The following AXIN2 variants were observed in gnomAD, a reference collection of about 807,000 sequenced individuals.
AXIN2 encodes axin-2.
In AXIN2, 21 loss-of-function variants were observed where a neutral mutation model predicts 74.7. That is an observed-to-expected ratio of 0.28 (90% CI 0.20 to 0.40). The LOEUF (loss-of-function observed/expected upper bound fraction) is 0.40, where lower values mean the gene tolerates loss of function less well. Among genes scored for constraint, AXIN2 ranks in the 10% least tolerant of loss-of-function variants. AXIN2 has a pLI of 1.00. For synonymous variants in AXIN2, 532 were observed against 454.9 expected (o/e 1.17, Z -2.16); for missense variants, 1,144 against 1,111.1 (o/e 1.03, Z -0.42).
At chr17:65,549,985 G>A (rs981750189) in intron 2 of AXIN2, among the ~76,000 whole-genome samples, 2 of 152,224 alleles carry the variant, frequency 1.3e-5, no homozygotes, top group African/African-American at 4.8e-5. Context: ...TGCTTTAGGA[G>A]AGGAGGCCAT....
intron 2 of AXIN2, among the ~76,000 whole-genome samples, chr17:65,552,396 T>C (rs2044206313): frequency 2.0e-5 from 3 of 152,160 alleles, no homozygotes; most frequent in Admixed American, 2.0e-4. Context: ...GCCATCTGGG[T>C]GCGTAAGTAA....
At chr17:65,549,967 C>G (rs917883057) in intron 2 of AXIN2, among the ~76,000 whole-genome samples, 1 of 152,192 alleles carries the variant, frequency 6.6e-6, no homozygotes, top group Non-Finnish European at 1.5e-5. Flanking sequence ...GAGGAAGGAA[C>G]TGGACTCTGC....
chr17:65,561,484 C>T lies in AXIN2; in HGVS notation c.-151G>A, dbSNP rs1026464937. 1 of 150,194 alleles carries T rather than the reference C, an allele frequency of 6.7e-6. No individual in the cohort carries two copies. Among genetic ancestry groups the T allele is most frequent in the Non-Finnish European group, 1.5e-5 (1 of 67,150 alleles). 9.3% of individuals were successfully genotyped at this position (150,194 alleles called of 1,614,324 possible). ...CAGGGCCTTCGGCGGGCGCCTCGGC[C>T]GCCGGGCGGCCCCGAAATCCATCGC... On this transcript the variant is annotated 5_prime_UTR_variant, in exon 1 of 11. Coordinates refer to ENST00000307078, the MANE Select transcript of AXIN2 (RefSeq NM_004655.4).
At chr17:65,555,227 TGAA>T (rs2044250373) in intron 2 of AXIN2, among the ~76,000 whole-genome samples, 1 of 152,096 alleles carries the variant, frequency 6.6e-6, no homozygotes, top group South Asian at 2.1e-4. Flanking sequence ...CAGCAGCTGA[TGAA>T]GAAAGACCAT....
At chr17:65,554,236 TCTCCTCCTCTTCCTCTTCCTC>T (rs1223391929) in intron 2 of AXIN2, among the ~76,000 whole-genome samples, 1 of 151,702 alleles carries the variant, frequency 6.6e-6, no homozygotes, top group African/African-American at 2.4e-5. Context: ...TCCTCCTCCT[TCTCCTCCTCTTCCTCTTCCTC>T]CTCCTCCTCC....
At position 65,538,593 on chromosome 17, in the gene AXIN2, T is replaced by C; in HGVS notation, c.1060-250A>G. Among the ~76,000 whole-genome samples, 2 of 142,854 alleles carry C rather than the reference T, an allele frequency of 1.4e-5. 1 individual carries two copies. The highest frequency in any genetic ancestry group is 5.2e-5 in the African/African-American group (2 of 38,546). 93.7% of individuals were successfully genotyped at this position (142,854 alleles called of 152,430 possible). On this transcript the variant is annotated intron_variant, in intron 4 of 10. Transcript: ENST00000307078. ...GTCGCACTCCGAGAGGCCCTGCTTG[T>C]TCTTTCTGTAGTACAACCAGCCCAT... is the stretch of plus-strand genomic sequence containing the variant.
At chr17:65,540,127 G>A (rs1458666578) in intron 4 of AXIN2, among the ~76,000 whole-genome samples, 1 of 152,226 alleles carries the variant, frequency 6.6e-6, no homozygotes, top group African/African-American at 2.4e-5. Context: ...GGCTTCAGGA[G>A]CCAGGAGGAG....
intron 10 of AXIN2, among the ~76,000 whole-genome samples, chr17:65,531,551 A>T (rs1317997415): frequency 6.6e-6 from 1 of 151,554 alleles, no homozygotes; most frequent in Non-Finnish European, 1.5e-5. Flanking sequence ...CCTCCGTCAG[A>T]CCCCTTTGGC....
At position 65,538,194 on chromosome 17, in the gene AXIN2, C is replaced by A. The variant is rs768410635; in HGVS notation, c.1200+9G>T. The A allele has an allele frequency of 5.0e-6, 8 of 1,614,196 alleles. No homozygotes were observed. The highest frequency in any genetic ancestry group is 1.7e-4 in the Middle Eastern group (1 of 6,058). On this transcript the variant is annotated intron_variant, in intron 5 of 10. Transcript: ENST00000307078. ...GACGGAAGCAGGAAGAAGGCCTAGGCCGCATTACCTCTCGGATCTGCTGCA... is the reference window on the plus strand; with the variant it reads ...GACGGAAGCAGGAAGAAGGCCTAGGACGCATTACCTCTCGGATCTGCTGCA...
chr17:65,546,786 C>G (rs942896867), intron 3 of AXIN2, among the ~76,000 whole-genome samples: 1 of 152,176 alleles, frequency 6.6e-6, no homozygotes, highest in African/African-American at 2.4e-5. Flanking sequence ...GGTCTCTAGG[C>G]CTTGCAGCAC....
At chr17:65,545,767 T>C (rs1430135967) in intron 3 of AXIN2, among the ~76,000 whole-genome samples, 2 of 152,076 alleles carry the variant, frequency 1.3e-5, no homozygotes, top group Non-Finnish European at 1.5e-5. Flanking sequence ...ACTTTTTACT[T>C]AGCAGGAAAA....
At chr17:65,536,192 G>A (rs2043910913) in intron 8 of AXIN2, 128 bp downstream of exon 8, 1 of 964,286 alleles carries the variant, frequency 1.0e-6, no homozygotes. Context: ...TCATCCATAA[G>A]TAATTCTTCT....
chr17:65,528,670 A>G lies in AXIN2; in HGVS notation c.*1306T>C, dbSNP rs376313648. The G allele has an allele frequency of 1.4e-5, 7 of 517,256 alleles. No homozygotes were observed. The East Asian group carries it at 2.4e-4, about 18-fold the overall frequency. The allele number at this position is 517,256 out of a possible 1,614,324, so 32.0% of individuals were successfully genotyped here. On this transcript the variant is annotated 3_prime_UTR_variant, in exon 11 of 11. Coordinates refer to ENST00000307078, the MANE Select transcript of AXIN2 (RefSeq NM_004655.4). Reference sequence around the variant, plus strand: ...CTCTTTATAATGCATAATTTACAGTATAAGTAGAACAAAATGTCATGACAA... The same window carrying G: ...CTCTTTATAATGCATAATTTACAGTGTAAGTAGAACAAAATGTCATGACAA...
At chr17:65,538,041 G>T in intron 5 of AXIN2, 162 bp downstream of exon 5, 1 of 1,400,086 alleles carries the variant, frequency 7.1e-7, no homozygotes, top group Non-Finnish European at 9.8e-7. Context: ...ATGCACATGC[G>T]CACACAGCCC....
rs1228679390 is a variant in AXIN2 at position 65,535,632 on chromosome 17, G to A, written c.2231C>T (p.Pro744Leu). 14 of 1,614,066 alleles carry A rather than the reference G, an allele frequency of 8.7e-6. No individual in the cohort carries two copies. Among genetic ancestry groups the A allele is most frequent in the Non-Finnish European group, 1.1e-5 (13 of 1,179,934 alleles). Residue 744 changes from proline to leucine, a missense_variant, in exon 9 of 11, where the codon CCA (proline) becomes CTA (leucine). By Grantham distance (98) the Pro-to-Leu change is moderately conservative (BLOSUM62 -3). This residue lies in a region of AXIN2 where 1,053 missense variants were observed against 973.5 expected (regional missense o/e 1.08). Transcript: ENST00000307078. ...ATPFSNPSLA[P>L]EDHKEPKKLA... ...GTCAGGTAAAGACACTCACTCTTCTGGAGCCAGGCTTGGATTGGAGAAGGG... is the reference window on the plus strand; with the variant it reads ...GTCAGGTAAAGACACTCACTCTTCTAGAGCCAGGCTTGGATTGGAGAAGGG...
At chr17:65,537,172 T>A in intron 6 of AXIN2, 109 bp from the exon 7 acceptor site, 1 of 1,534,750 alleles carries the variant, frequency 6.5e-7, no homozygotes, top group Non-Finnish European at 8.9e-7. Flanking sequence ...GAAAGACCCA[T>A]GCACCTGCTC....
In AXIN2 at chr17:65,531,270, C is replaced by A. The variant is rs79411572; in HGVS notation, c.2406-1168G>T. Among the ~76,000 whole-genome samples, 1,189 of 151,974 alleles carry A rather than the reference C, an allele frequency of 7.8e-3. 18 individuals are homozygous for A. The highest frequency in any genetic ancestry group is 0.027 in the African/African-American group (1,116 of 41,450). On this transcript the variant is annotated intron_variant, in intron 10 of 10. Coordinates refer to ENST00000307078, the MANE Select transcript of AXIN2 (RefSeq NM_004655.4). ...TTAATAAAGGCAAGCCAAATACTTT[C>A]GTAGGAGATAAGGCTAAATACAGTG...
chr17:65,555,648 G>T (rs1314164541), intron 2 of AXIN2, among the ~76,000 whole-genome samples: 1 of 152,128 alleles, frequency 6.6e-6, no homozygotes, highest in Non-Finnish European at 1.5e-5. Context: ...GACACAGACA[G>T]AAGGAATGGT....
chr17:65,555,931 C>A (rs542325471), intron 2 of AXIN2, among the ~76,000 whole-genome samples: 1 of 152,056 alleles, frequency 6.6e-6, no homozygotes, highest in African/African-American at 2.4e-5. Flanking sequence ...GGAGAAGGCA[C>A]ACGTGAATCT....
Sources: gnomAD v4.1 joint callset for allele counts (sites outside exome capture counted in the v4.1 genomes callset) on GRCh38, gnomAD v4.1.1 for gene constraint, gnomAD v4.1.1 regional missense constraint, MANE v1.5 for transcripts, NCBI Gene and HGNC (gene_info 2026-07-23, HGNC 2026-07-21) for gene names.